The following IKBKB-DT variants were observed in gnomAD, a reference collection of about 807,000 sequenced individuals.
IKBKB-DT encodes IKBKB antisense RNA.
At chr8:42,250,903 A>T (rs1031828878) in intron 3 of IKBKB-DT, among the ~76,000 whole-genome samples, 3 of 152,136 alleles carry the variant, frequency 2.0e-5, no homozygotes, top group African/African-American at 7.2e-5. Flanking sequence ...AAAAAAACAT[A>T]TTATGAAGTT....
intron 1 of IKBKB-DT, among the ~76,000 whole-genome samples, chr8:42,267,821 T>C (rs76361874): frequency 0.033 from 4,952 of 152,094 alleles, 110 homozygotes; most frequent in Non-Finnish European, 0.042. Context: ...ATAATAAATA[T>C]CTTGGAATAT....
At chr8:42,248,931 G>A (rs1807096156) in intron 3 of IKBKB-DT, 1 of 151,614 alleles carries the variant, frequency 6.6e-6, no homozygotes, top group Middle Eastern at 3.4e-3. Context: ...ATAAACAAAG[G>A]TGTAAATTTT....
At chr8:42,267,773 C>G (rs1028452757) in intron 1 of IKBKB-DT, among the ~76,000 whole-genome samples, 2 of 152,102 alleles carry the variant, frequency 1.3e-5, no homozygotes, top group Admixed American at 6.6e-5. Flanking sequence ...GCAGAGATAG[C>G]TAAACATGTC....
chr8:42,259,632 C>T (rs1311266406), intron 3 of IKBKB-DT, among the ~76,000 whole-genome samples: 1 of 152,060 alleles, frequency 6.6e-6, no homozygotes, highest in Non-Finnish European at 1.5e-5. Context: ...TTATAACTGC[C>T]TGACAGGTTC....
chr8:42,271,087 G>T, exon 1 of IKBKB-DT: 1 of 397,254 alleles, frequency 2.5e-6, no homozygotes. Context: ...AAGAGAACAG[G>T]GTGTAACGGG....
intron 2 of IKBKB-DT, among the ~76,000 whole-genome samples, chr8:42,264,115 C>CT (rs201614669): frequency 0.03 from 4,141 of 136,382 alleles, 88 homozygotes; most frequent in East Asian, 0.11. Flanking sequence ...CCCAGCTGGG[C>CT]TTTTTTTTTT....
intron 3 of IKBKB-DT, among the ~76,000 whole-genome samples, chr8:42,240,388 G>C (rs1806984831): frequency 6.6e-6 from 1 of 151,944 alleles, no homozygotes; most frequent in Non-Finnish European, 1.5e-5. Flanking sequence ...ACTTTGGGAG[G>C]CCGAGGCGGG....
At chr8:42,239,960 C>T (rs751104457) in intron 3 of IKBKB-DT, among the ~76,000 whole-genome samples, 13 of 151,926 alleles carry the variant, frequency 8.6e-5, no homozygotes, top group Non-Finnish European at 1.6e-4. Flanking sequence ...TTTTTTAAAA[C>T]TATAAATACA....
intron 3 of IKBKB-DT, among the ~76,000 whole-genome samples, chr8:42,239,688 G>A (rs56171968): frequency 0.015 from 1,674 of 115,188 alleles, 38 homozygotes; most frequent in African/African-American, 0.048. Flanking sequence ...TCTTCTTGCC[G>A]AGGCTAGAGT....
intron 3 of IKBKB-DT, among the ~76,000 whole-genome samples, chr8:42,243,601 C>T (rs753042608): frequency 6.6e-6 from 1 of 152,076 alleles, no homozygotes; most frequent in African/African-American, 2.4e-5. Flanking sequence ...TGTAACTTCA[C>T]GTGAAATTTT....
At chr8:42,252,087 A>T (rs1399192955) in intron 3 of IKBKB-DT, among the ~76,000 whole-genome samples, 1 of 152,242 alleles carries the variant, frequency 6.6e-6, no homozygotes, top group Non-Finnish European at 1.5e-5. Flanking sequence ...TTCAACATGG[A>T]GGCTCCATCT....
At chr8:42,270,108 G>A (rs1196683675) in intron 1 of IKBKB-DT, among the ~76,000 whole-genome samples, 1 of 152,174 alleles carries the variant, frequency 6.6e-6, no homozygotes, top group Non-Finnish European at 1.5e-5. Context: ...TTCTTAACAT[G>A]CTACTTTTAG....
intron 1 of IKBKB-DT, among the ~76,000 whole-genome samples, chr8:42,267,679 G>A (rs999113680): frequency 1.3e-5 from 2 of 152,142 alleles, no homozygotes; most frequent in Non-Finnish European, 2.9e-5. Flanking sequence ...AGGAAGAAAA[G>A]GGGACATTTT....
At chr8:42,238,024 CA>C (rs35087510) in intron 3 of IKBKB-DT, among the ~76,000 whole-genome samples, 379 of 35,208 alleles carry the variant, frequency 0.011, no homozygotes, top group Middle Eastern at 0.056. Flanking sequence ...GGCCCTCTCT[CA>C]AAAAAAAAAA....
At chr8:42,249,407 A>G (rs542074172) in intron 3 of IKBKB-DT, 2 of 138,850 alleles carry the variant, frequency 1.4e-5, no homozygotes, top group South Asian at 2.2e-4. Flanking sequence ...TTATATATGC[A>G]TGTATATATA....
At chr8:42,258,984 T>A (rs918322593) in intron 3 of IKBKB-DT, among the ~76,000 whole-genome samples, 1 of 152,128 alleles carries the variant, frequency 6.6e-6, no homozygotes, top group African/African-American at 2.4e-5. Flanking sequence ...ATTTTATAAT[T>A]TTTCGAAACA....
intron 3 of IKBKB-DT, among the ~76,000 whole-genome samples, chr8:42,251,779 A>C (rs1807130591): frequency 6.7e-6 from 1 of 149,786 alleles, no homozygotes; most frequent in African/African-American, 2.5e-5. Context: ...CCGTGAGCTG[A>C]GATTGTGTCA....
chr8:42,270,217 G>T (rs1807540566), intron 1 of IKBKB-DT: 1 of 152,210 alleles, frequency 6.6e-6, no homozygotes, highest in South Asian at 2.1e-4. Flanking sequence ...TGCAGACCAG[G>T]TGCAGTGGCT....
exon 2 of IKBKB-DT, chr8:42,265,818 C>T (rs527884933): frequency 6.6e-6 from 1 of 152,336 alleles, no homozygotes; most frequent in East Asian, 1.9e-4. Context: ...CTCAGAGCCC[C>T]AAATCCTTGC....
Sources: gnomAD v4.1 joint callset for allele counts (sites outside exome capture counted in the v4.1 genomes callset) on GRCh38, gnomAD v4.1.1 for gene constraint, MANE v1.5 for transcripts, NCBI Gene and HGNC (gene_info 2026-07-23, HGNC 2026-07-21) for gene names.